The following YAP1 variants were observed in gnomAD, a reference collection of about 807,000 sequenced individuals.
YAP1 encodes the protein Yes1 associated transcriptional regulator, also known as transcriptional coactivator YAP1.
Under a neutral mutation model 56.9 loss-of-function variants are expected in YAP1, and 5 were observed. The ratio of observed to expected loss-of-function variants is 0.09; its 90% CI spans 0.05 to 0.18. The LOEUF (loss-of-function observed/expected upper bound fraction) is 0.18, where lower values mean the gene tolerates loss of function less well. Among genes scored for constraint, YAP1 ranks in the 10% least tolerant of loss-of-function variants. YAP1 has a pLI of 1.00. For missense variants in YAP1, 539 were observed against 651.8 expected, an observed-to-expected ratio of 0.83 and a Z score of 1.88; for synonymous variants, 265 against 248.1, an observed-to-expected ratio of 1.07 and a Z score of -0.64.
chr11:102,199,016 G>A (rs369654267), intron 4 of YAP1, among the ~76,000 whole-genome samples: 1 of 152,292 alleles, frequency 6.6e-6, no homozygotes, highest in East Asian at 1.9e-4. Flanking sequence ...GAATGTATGT[G>A]TATGTCTATG....
At chr11:102,189,280 A>G (rs1016521620) in intron 4 of YAP1, among the ~76,000 whole-genome samples, 4 of 152,160 alleles carry the variant, frequency 2.6e-5, no homozygotes, top group African/African-American at 9.7e-5. Context: ...TAATACAGTC[A>G]TGGACATTTT....
intron 3 of YAP1, among the ~76,000 whole-genome samples, chr11:102,163,135 T>G (rs1245138293): frequency 6.6e-6 from 1 of 152,130 alleles, no homozygotes; most frequent in Non-Finnish European, 1.5e-5. Context: ...TAAACGCATC[T>G]TCACCTTTTT....
rs139531277 is a variant in YAP1 at position 102,232,278 on chromosome 11, T to TGG, written c.*2347_*2348dup. ...AGCTTAGGGGGAGGGTGGGAAAGTTTGGGGGGGGGGTTGTGAAGATTTAGG... is the reference window on the plus strand; with the variant it reads ...AGCTTAGGGGGAGGGTGGGAAAGTTTGGGGGGGGGGGGTTGTGAAGATTTAGG... On this transcript the variant is annotated 3_prime_UTR_variant, in exon 9 of 9. Transcript: ENST00000282441. The TGG allele has an allele frequency of 2.6e-3, 149 of 56,884 alleles. No individual in the cohort carries two copies. The highest frequency in any genetic ancestry group is 8.0e-3 in the African/African-American group (131 of 16,456). The allele number at this position is 56,884 out of a possible 1,614,324, so 3.5% of individuals were successfully genotyped here.
chr11:102,218,070 G>A (rs1295112260), intron 6 of YAP1, among the ~76,000 whole-genome samples: 2 of 152,092 alleles, frequency 1.3e-5, no homozygotes, highest in East Asian at 3.9e-4. Context: ...ATCAATTTAT[G>A]CACTTTATAA....
intron 4 of YAP1, among the ~76,000 whole-genome samples, chr11:102,198,319 G>A (rs1948675163): frequency 6.6e-6 from 1 of 152,152 alleles, no homozygotes; most frequent in Non-Finnish European, 1.5e-5. Context: ...TGTCATTAAT[G>A]ATTACTGCTT....
intron 4 of YAP1, 119 bp downstream of exon 4, chr11:102,186,250 C>A: frequency 9.0e-7 from 1 of 1,112,832 alleles, no homozygotes; most frequent in South Asian, 1.5e-5. Flanking sequence ...AAAAATGACC[C>A]TGCCCACCCA....
intron 3 of YAP1, among the ~76,000 whole-genome samples, chr11:102,184,076 C>CAA (rs1226783169): frequency 0.016 from 768 of 47,122 alleles, 7 homozygotes; most frequent in African/African-American, 0.055. Flanking sequence ...GACTCCGTCT[C>CAA]AAAAAAAAAA....
chr11:102,185,323 A>T (rs527730488), intron 3 of YAP1, among the ~76,000 whole-genome samples: 1 of 152,164 alleles, frequency 6.6e-6, no homozygotes, highest in Admixed American at 6.5e-5. Context: ...CTTTAGTCCT[A>T]TCTCTCAAAT....
intron 5 of YAP1, among the ~76,000 whole-genome samples, chr11:102,207,223 C>T (rs1407407449): frequency 2.0e-5 from 3 of 152,016 alleles, no homozygotes; most frequent in East Asian, 1.9e-4. Context: ...AAAATAAGAT[C>T]TTTTCCCTGT....
chr11:102,167,627 C>T (rs1002794860), intron 3 of YAP1, among the ~76,000 whole-genome samples: 5 of 152,012 alleles, frequency 3.3e-5, no homozygotes, highest in Non-Finnish European at 5.9e-5. Context: ...TCAGTGACTC[C>T]GGAGGCTGAG....
chr11:102,174,208 T>C (rs565950624), intron 3 of YAP1, among the ~76,000 whole-genome samples: 1 of 152,344 alleles, frequency 6.6e-6, no homozygotes, highest in South Asian at 2.1e-4. Context: ...AAACCTTTAC[T>C]GAGTACCTAA....
At chr11:102,224,087 G>A (rs1950080377) in intron 7 of YAP1, among the ~76,000 whole-genome samples, 1 of 152,188 alleles carries the variant, frequency 6.6e-6, no homozygotes, top group African/African-American at 2.4e-5. Context: ...TGAATTTCAT[G>A]TTAAACCTAC....
intron 6 of YAP1, among the ~76,000 whole-genome samples, chr11:102,221,949 A>ATT (rs577822790): frequency 6.8e-6 from 1 of 146,954 alleles, no homozygotes. Context: ...TTAATGTGTA[A>ATT]TTTTTTTTTT....
At chr11:102,211,992 C>T (rs1047677962) in intron 6 of YAP1, among the ~76,000 whole-genome samples, 5 of 152,056 alleles carry the variant, frequency 3.3e-5, no homozygotes, top group South Asian at 2.1e-4. Context: ...CGTGAGCCAC[C>T]GCGCCCAGCC....
intron 2 of YAP1, among the ~76,000 whole-genome samples, chr11:102,161,283 C>G (rs1182030688): frequency 6.6e-6 from 1 of 150,786 alleles, no homozygotes; most frequent in African/African-American, 2.4e-5. Context: ...AGGATGGTCT[C>G]GATCTCCTGA....
chr11:102,154,581 C>G (rs1945837892), intron 2 of YAP1, among the ~76,000 whole-genome samples: 2 of 152,062 alleles, frequency 1.3e-5, no homozygotes, highest in African/African-American at 4.8e-5. Flanking sequence ...TGATGGGTGA[C>G]TATTGCAAGA....
intron 2 of YAP1, among the ~76,000 whole-genome samples, chr11:102,131,539 T>C (rs1944367926): frequency 6.6e-6 from 1 of 152,220 alleles, no homozygotes; most frequent in South Asian, 2.1e-4. Flanking sequence ...TGTGTGTAGC[T>C]CTTGATACAT....
In YAP1 at chr11:102,227,392, T is replaced by G; in HGVS notation, c.1164-77T>G. 7.4e-6 allele frequency: 7 copies of G among 949,796 alleles called. No homozygotes were observed. The South Asian group carries it at 1.0e-4, about 14-fold the overall frequency. The allele number at this position is 949,796 out of a possible 1,614,324, so 58.8% of individuals were successfully genotyped here. ...TCCTCTTTGAGAATTATGTTGCTGC[T>G]CAGCAGGTGTTTATTTTTACCTTGA... On this transcript the variant is annotated intron_variant, in intron 7 of 8. Coordinates refer to ENST00000282441, the MANE Select transcript of YAP1 (RefSeq NM_001130145.3).
At chr11:102,158,988 C>T (rs555895714) in intron 2 of YAP1, among the ~76,000 whole-genome samples, 14 of 152,206 alleles carry the variant, frequency 9.2e-5, no homozygotes, top group Non-Finnish European at 1.9e-4. Flanking sequence ...ATTGACAGAA[C>T]CGACTATCTT....
Sources: allele counts gnomAD v4.1 joint callset (sites outside exome capture counted in the v4.1 genomes callset), GRCh38; gene constraint gnomAD v4.1.1; transcripts MANE v1.5; gene names NCBI Gene and HGNC (gene_info 2026-07-23, HGNC 2026-07-21).